RBFOX1: variants seen among roughly 807,000 people sequenced by gnomAD.
RBFOX1 encodes RNA binding protein fox-1 homolog 1.
In RBFOX1, 8 loss-of-function variants were observed where a neutral mutation model predicts 57.7. The observed-to-expected ratio is 0.14, with a 90% CI of 0.08 to 0.25. The LOEUF (loss-of-function observed/expected upper bound fraction) is 0.25, where lower values mean the gene tolerates loss of function less well. RBFOX1 is among the 10% of genes least tolerant of loss of function. The pLI, the probability that RBFOX1 is intolerant of heterozygous loss-of-function variation, is 1.00. For synonymous variants in RBFOX1, 326 were observed against 222.4 expected (o/e 1.47, Z -4.15); for missense variants, 611 against 548.5 (o/e 1.11, Z -1.14).
At chr16:6,846,598 G>A (rs755693432) in intron 3 of RBFOX1, among the ~76,000 whole-genome samples, 1 of 152,174 alleles carries the variant, frequency 6.6e-6, no homozygotes, top group South Asian at 2.1e-4. Context: ...ATGTGGAAAC[G>A]CACGAAGACC....
intron 4 of RBFOX1, among the ~76,000 whole-genome samples, chr16:7,143,260 A>G (rs899527690): frequency 4.6e-5 from 7 of 151,872 alleles, no homozygotes; most frequent in Non-Finnish European, 1.0e-4. Flanking sequence ...AGAGAGAGGA[A>G]GAGAGAGGAG....
chr16:6,895,753 G>A lies in RBFOX1; in HGVS notation c.-15-156304G>A, dbSNP rs191840366. On this transcript the variant is annotated intron_variant, in intron 3 of 15. Transcript: ENST00000550418. ...AAGTGGACTACATCTCAACAGTGAG[G>A]AATGAGCCCTAAGACAGGTTGAAAT... Among the ~76,000 whole-genome samples the A allele has an allele frequency of 1.8e-4, 28 of 152,002 alleles. No individual in the cohort carries two copies. The East Asian group carries it at 3.3e-3, about 18-fold the overall frequency.
chr16:7,472,176 G>T (rs116977807), intron 4 of RBFOX1, among the ~76,000 whole-genome samples: 7 of 152,268 alleles, frequency 4.6e-5, no homozygotes, highest in Non-Finnish European at 8.8e-5. Context: ...GAGAAGCATA[G>T]CTTCTCTTTT....
At chr16:5,842,529 C>G (rs1597457911) in intron 3 of RBFOX1, among the ~76,000 whole-genome samples, 1 of 152,162 alleles carries the variant, frequency 6.6e-6, no homozygotes, top group African/African-American at 2.4e-5. Context: ...TGCAGGTGTT[C>G]ATTCATGTAT....
chr16:5,962,861 A>G (rs574148870), intron 4 of RBFOX1, among the ~76,000 whole-genome samples: 1 of 142,582 alleles, frequency 7.0e-6, no homozygotes, highest in African/African-American at 2.6e-5. Flanking sequence ...AATGGTGAGT[A>G]TGTCGCCTTG....
intron 2 of RBFOX1, among the ~76,000 whole-genome samples, chr16:6,604,301 T>G (rs1176756541): frequency 6.6e-6 from 1 of 152,212 alleles, no homozygotes; most frequent in African/African-American, 2.4e-5. Flanking sequence ...TAAATATTAT[T>G]GTTGATCTTG....
At chr16:6,938,871 G>A (rs751558913) in intron 3 of RBFOX1, among the ~76,000 whole-genome samples, 1 of 152,166 alleles carries the variant, frequency 6.6e-6, no homozygotes, top group African/African-American at 2.4e-5. Context: ...GGCAGAGGTA[G>A]CAGTGAGCCG....
At chr16:6,544,443 C>A (rs148895155) in intron 2 of RBFOX1, among the ~76,000 whole-genome samples, 3 of 152,182 alleles carry the variant, frequency 2.0e-5, no homozygotes, top group Non-Finnish European at 1.5e-5. Context: ...CTTAGTTGAA[C>A]GGATGTTCTG....
At chr16:5,858,135 G>T (rs1469339488) in intron 3 of RBFOX1, among the ~76,000 whole-genome samples, 1 of 151,996 alleles carries the variant, frequency 6.6e-6, no homozygotes, top group Non-Finnish European at 1.5e-5. Context: ...TCCCTCTTAG[G>T]AGCTTTTCCT....
chr16:5,727,223 G>C (rs551814514), intron 3 of RBFOX1, among the ~76,000 whole-genome samples: 5 of 152,116 alleles, frequency 3.3e-5, no homozygotes, highest in African/African-American at 1.2e-4. Flanking sequence ...AGTGAGCCAA[G>C]ATTGTGCCAC....
chr16:6,738,546 A>G (rs576974308), intron 3 of RBFOX1, among the ~76,000 whole-genome samples: 6 of 152,322 alleles, frequency 3.9e-5, no homozygotes, highest in Admixed American at 1.3e-4. Flanking sequence ...ATAATTGTAA[A>G]CCTCAACATC....
chr16:7,101,219 G>T (rs562896804), intron 4 of RBFOX1, among the ~76,000 whole-genome samples: 1 of 152,298 alleles, frequency 6.6e-6, no homozygotes, highest in South Asian at 2.1e-4. Flanking sequence ...TTGTGACTAG[G>T]AATTTATTCT....
chr16:7,373,098 A>T (rs950219256), intron 4 of RBFOX1, among the ~76,000 whole-genome samples: 2 of 151,800 alleles, frequency 1.3e-5, no homozygotes, highest in African/African-American at 2.4e-5. Context: ...TGCGTGGCTA[A>T]TTTTTTTGTA....
chr16:6,273,511 A>AT (rs1395312222), intron 1 of RBFOX1, among the ~76,000 whole-genome samples: 3 of 151,344 alleles, frequency 2.0e-5, no homozygotes, highest in Non-Finnish European at 2.9e-5. Flanking sequence ...TGTCCAGCTA[A>AT]TTTTTTTGTA....
At chr16:5,853,615 G>T (rs977405380) in intron 3 of RBFOX1, among the ~76,000 whole-genome samples, 5 of 152,190 alleles carry the variant, frequency 3.3e-5, no homozygotes, top group African/African-American at 9.7e-5. Flanking sequence ...ATGATGGTTT[G>T]AATGAGCCCT....
In RBFOX1 at chr16:6,326,261, G is replaced by T. The variant is rs570723451; in HGVS notation, c.-64+9204G>T. 2.0e-5 allele frequency among the ~76,000 whole-genome samples: 3 copies of T among 152,180 alleles called. No individual in the cohort carries two copies. The East Asian group carries it at 5.8e-4, about 29-fold the overall frequency. ...TAGCTATGGAAAAATTTTGATTTTG[G>T]ATTCTCGCTAGGTACTGAGGATATC... On this transcript the variant is annotated intron_variant, in intron 2 of 15. Transcript: ENST00000550418.
chr16:6,898,609 A>G (rs990589208), intron 3 of RBFOX1, among the ~76,000 whole-genome samples: 2 of 152,148 alleles, frequency 1.3e-5, no homozygotes, highest in Non-Finnish European at 2.9e-5. Context: ...CATAAAAGGA[A>G]GTAGGTTATT....
intron 3 of RBFOX1, among the ~76,000 whole-genome samples, chr16:6,833,339 G>C (rs964401890): frequency 4.8e-5 from 7 of 146,606 alleles, no homozygotes; most frequent in Non-Finnish European, 1.0e-4. Flanking sequence ...CTAATTTTTT[G>C]TATTTTTAGT....
intron 1 of RBFOX1, among the ~76,000 whole-genome samples, chr16:5,368,801 G>A (rs1404071599): frequency 2.0e-5 from 3 of 152,036 alleles, no homozygotes; most frequent in Non-Finnish European, 2.9e-5. Flanking sequence ...AGGGTCTTCT[G>A]GGGTCTCCTT....
Sources: gnomAD v4.1 joint callset for allele counts (sites outside exome capture counted in the v4.1 genomes callset) on GRCh38, gnomAD v4.1.1 for gene constraint, MANE v1.5 for transcripts, NCBI Gene and HGNC (gene_info 2026-07-23, HGNC 2026-07-21) for gene names.